The following BTD variants were observed in gnomAD, a reference collection of about 807,000 sequenced individuals.
BTD encodes biocytinase.
BTD carries 13 observed loss-of-function variants against 17.7 expected under a neutral mutation model. The ratio of observed to expected loss-of-function variants is 0.74; its 90% CI spans 0.48 to 1.17. The LOEUF (loss-of-function observed/expected upper bound fraction) is 1.17. Ranked by LOEUF, BTD falls within the 50% of genes most tolerant of loss-of-function variation. The pLI is 0.00. For synonymous variants in BTD, 240 were observed against 245.2 expected (o/e 0.98, Z 0.20); for missense variants, 674 against 650.4 (o/e 1.04, Z -0.39).
chr3:15,712,190 A>C (rs1440030728), exon 4 of BTD: 1 of 1,586,800 alleles, frequency 6.3e-7, no homozygotes, highest in East Asian at 2.3e-5. Flanking sequence ...TAAGGCTGCC[A>C]AATGGAGGGG....
chr3:15,702,600 A>C (rs2070773026), intron 3 of BTD, among the ~76,000 whole-genome samples: 1 of 152,200 alleles, frequency 6.6e-6, no homozygotes, highest in African/African-American at 2.4e-5. Context: ...TGCATTTCAA[A>C]CTATTTAAAT....
At chr3:15,610,003 C>T (rs1341942797) in intron 1 of BTD, among the ~76,000 whole-genome samples, 3 of 151,690 alleles carry the variant, frequency 2.0e-5, no homozygotes, top group Non-Finnish European at 4.4e-5. Flanking sequence ...ATATTTAAGT[C>T]ACTACCTGGA....
At chr3:15,613,910 A>C (rs1461352814) in intron 1 of BTD, among the ~76,000 whole-genome samples, 2 of 152,016 alleles carry the variant, frequency 1.3e-5, no homozygotes, top group African/African-American at 2.4e-5. Flanking sequence ...ATATCTTTGA[A>C]GGCAATCTCT....
At chr3:15,674,364 T>G (rs1299285002) in intron 3 of BTD, among the ~76,000 whole-genome samples, 1 of 142,064 alleles carries the variant, frequency 7.0e-6, no homozygotes, top group Non-Finnish European at 1.5e-5. Context: ...GTGAGAGGAA[T>G]CAAGGATGAC....
At chr3:15,606,406 C>T (rs2064455484) in intron 1 of BTD, 1 of 152,212 alleles carries the variant, frequency 6.6e-6, no homozygotes, top group South Asian at 2.1e-4. Context: ...TTGCCTGTCA[C>T]CAAAGTAATA....
chr3:15,669,669 T>C (rs1281675843), intron 3 of BTD: 1 of 152,422 alleles, frequency 6.6e-6, no homozygotes, highest in Non-Finnish European at 1.5e-5. Flanking sequence ...CTTTCAGATG[T>C]TTTCTTAAAA....
chr3:15,651,435 G>A lies in BTD; in HGVS notation c.*5947G>A, dbSNP rs774581564. On this transcript the variant is annotated 3_prime_UTR_variant, in exon 4 of 4. Transcript: ENST00000643237. ...CAGAAAGGATAATGCACTACCCAGC[G>A]GCCAGCGACAGCAGGAGCTATGAGC... is the stretch of plus-strand genomic sequence containing the variant. 2.0e-5 allele frequency among the ~76,000 whole-genome samples: 3 copies of A among 152,166 alleles called. No individual in the cohort carries two copies. Among genetic ancestry groups the A allele is most frequent in the Non-Finnish European group, 2.9e-5 (2 of 68,034 alleles).
chr3:15,618,642 C>T (rs2064862263), intron 1 of BTD, among the ~76,000 whole-genome samples: 1 of 152,144 alleles, frequency 6.6e-6, no homozygotes, highest in Admixed American at 6.5e-5. Context: ...TCTCCTGCCT[C>T]AGCCTCCCGA....
In BTD at chr3:15,718,666, G is replaced by A. The variant is rs191254324; in HGVS notation, c.1016-3104G>A. Reference sequence around the variant, plus strand: ...GGAAGCCCAATCTCTACCTTTTAAAGACAGCATCATGTGAACCAAAAAATG... The same window carrying A: ...GGAAGCCCAATCTCTACCTTTTAAAAACAGCATCATGTGAACCAAAAAATG... On this transcript the variant is annotated intron_variant, in intron 4 of 4. Transcript: ENST00000672427. 2.3e-3 allele frequency among the ~76,000 whole-genome samples: 347 copies of A among 151,918 alleles called. 2 individuals carry two copies. Among genetic ancestry groups the A allele is most frequent in the African/African-American group, 7.7e-3 (316 of 41,222 alleles).
At chr3:15,619,068 A>C (rs998399935) in intron 1 of BTD, among the ~76,000 whole-genome samples, 3 of 152,136 alleles carry the variant, frequency 2.0e-5, no homozygotes, top group Non-Finnish European at 4.4e-5. Flanking sequence ...ATTAGCTAGG[A>C]CTTACGGTAT....
rs2066769680 is a variant in BTD at position 15,674,850 on chromosome 3, A to G, written c.399+32793A>G. ...GATCAGTTGTGCCAAAAGCTGATCT[A>G]TCAAGTAAAATGAGAGCTAAGTAGT... is the stretch of plus-strand genomic sequence containing the variant. On this transcript the variant is annotated intron_variant, in intron 3 of 3. Coordinates refer to the BTD transcript ENST00000672141. 3.9e-5 allele frequency among the ~76,000 whole-genome samples: 6 copies of G among 152,374 alleles called. No homozygotes were observed. In the South Asian group the frequency reaches 1.2e-3, roughly 32 times the overall value.
At chr3:15,702,507 C>T (rs1418822327) in intron 3 of BTD, among the ~76,000 whole-genome samples, 1 of 152,252 alleles carries the variant, frequency 6.6e-6, no homozygotes, top group Admixed American at 6.5e-5. Context: ...TAAGGCTAAA[C>T]AATATTCTGT....
chr3:15,631,429 G>C, intron 1 of BTD: 1 of 1,529,032 alleles, frequency 6.5e-7, no homozygotes, highest in Non-Finnish European at 8.8e-7. Flanking sequence ...TATTTCAGAA[G>C]ACACTATTGT....
At chr3:15,719,850 T>G (rs1231232685) in intron 4 of BTD, among the ~76,000 whole-genome samples, 1 of 151,990 alleles carries the variant, frequency 6.6e-6, no homozygotes, top group Non-Finnish European at 1.5e-5. Context: ...CCAGACTGTA[T>G]CCGGCCAAAA....
At chr3:15,639,930 C>G (rs2065452824) in intron 2 of BTD, among the ~76,000 whole-genome samples, 2 of 152,100 alleles carry the variant, frequency 1.3e-5, no homozygotes, top group Admixed American at 1.3e-4. Flanking sequence ...ATGGTGAAAC[C>G]CCATCTCCAC....
At chr3:15,666,158 C>T (rs2065985259) in intron 3 of BTD, among the ~76,000 whole-genome samples, 1 of 152,172 alleles carries the variant, frequency 6.6e-6, no homozygotes, top group Admixed American at 6.5e-5. Flanking sequence ...TCAATAAACA[C>T]CTGTTGCAGT....
At chr3:15,676,999 T>C in intron 3 of BTD, 1 of 1,613,446 alleles carries the variant, frequency 6.2e-7, no homozygotes, top group Non-Finnish European at 8.5e-7. Flanking sequence ...TTGGTTGCAT[T>C]GATGAGGTTT....
intron 3 of BTD, chr3:15,686,279 A>G (rs770663194): frequency 5.0e-6 from 8 of 1,588,736 alleles, no homozygotes; most frequent in Non-Finnish European, 6.9e-6. Context: ...TCCTATTAAT[A>G]GCCGTAAGCA....
rs373054566 is a variant in BTD at position 15,712,142 on chromosome 3, G to A, written c.*2068G>A. 3.2e-5 allele frequency: 51 copies of A among 1,571,422 alleles called. No homozygotes were observed. Among genetic ancestry groups the A allele is most frequent in the Non-Finnish European group, 4.3e-5 (50 of 1,157,644 alleles). On this transcript the variant is annotated 3_prime_UTR_variant, in exon 4 of 4. Coordinates refer to the BTD transcript ENST00000672141. ...AAGGCTGCAAAGGTTACACTTACCT[G>A]AAGAAAGAAGTTTTCTGCAGCAATC...
Sources: allele counts gnomAD v4.1 joint callset (sites outside exome capture counted in the v4.1 genomes callset), GRCh38; gene constraint gnomAD v4.1.1; transcripts MANE v1.5; gene names NCBI Gene and HGNC (gene_info 2026-07-23, HGNC 2026-07-21).